RIN2: variants seen among roughly 807,000 people sequenced by gnomAD.
RIN2 encodes the protein Ras and Rab interactor 2.
Under a neutral mutation model 78.0 loss-of-function variants are expected in RIN2, and 36 were observed. The ratio of observed to expected loss-of-function variants is 0.46; its 90% confidence interval spans 0.35 to 0.61. The LOEUF (loss-of-function observed/expected upper bound fraction) is 0.61. Among genes scored for constraint, RIN2 ranks in the 20% least tolerant of loss-of-function variants. The pLI, the probability that RIN2 is intolerant of heterozygous loss-of-function variation, is 0.00. For missense variants in RIN2, 1,087 were observed against 1,159.7 expected (o/e 0.94, Z 0.91); for synonymous variants, 466 against 466.8 (o/e 1.00, Z 0.02).
At chr20:19,919,903 C>G (rs561660238) in intron 3 of RIN2, among the ~76,000 whole-genome samples, 1 of 152,340 alleles carries the variant, frequency 6.6e-6, no homozygotes, top group East Asian at 1.9e-4. Flanking sequence ...ATAAACACAT[C>G]TTAAAAATAT....
At chr20:19,977,419 T>G (rs559870485) in intron 9 of RIN2, among the ~76,000 whole-genome samples, 68 of 152,098 alleles carry the variant, frequency 4.5e-4, no homozygotes, top group African/African-American at 1.2e-3. Flanking sequence ...CATGCTAAAA[T>G]TATGTATTTC....
intron 3 of RIN2, among the ~76,000 whole-genome samples, chr20:19,933,517 T>C (rs887216776): frequency 2.7e-5 from 4 of 150,578 alleles, no homozygotes; most frequent in African/African-American, 9.7e-5. Context: ...TGCTTGGTTC[T>C]GGTGTCTTTC....
chr20:19,812,061 C>CTTTT (rs10678963), intron 2 of RIN2, among the ~76,000 whole-genome samples: 28,975 of 150,862 alleles, frequency 0.19, 3,023 homozygotes, highest in African/African-American at 0.3. Flanking sequence ...ATAGCTTGTT[C>CTTTT]TTTTTTTTTA....
chr20:19,794,574 T>C (rs8115759), intron 1 of RIN2, among the ~76,000 whole-genome samples: 16,093 of 148,426 alleles, frequency 0.11, 996 homozygotes, highest in South Asian at 0.18. Flanking sequence ...TGATACTAGG[T>C]AATGATGAAT....
chr20:19,888,649 C>T (rs538380634), intron 2 of RIN2, among the ~76,000 whole-genome samples: 176 of 152,246 alleles, frequency 1.2e-3, no homozygotes, highest in African/African-American at 3.9e-3. Flanking sequence ...CATGTTATGG[C>T]GAGAAGGGAT....
intron 1 of RIN2, among the ~76,000 whole-genome samples, chr20:19,760,222 C>T (rs1040945375): frequency 6.6e-6 from 1 of 152,130 alleles, no homozygotes; most frequent in Non-Finnish European, 1.5e-5. Context: ...AGTGAAGGGC[C>T]CTTGCTTTTG....
chr20:19,852,965 T>A (rs1293271885), intron 2 of RIN2, among the ~76,000 whole-genome samples: 1 of 151,794 alleles, frequency 6.6e-6, no homozygotes, highest in Admixed American at 6.6e-5. Flanking sequence ...ACATGTGCCA[T>A]GTTGGTGTGC....
intron 4 of RIN2, among the ~76,000 whole-genome samples, chr20:19,945,659 ACTTTT>A (rs1340796009): frequency 2.0e-5 from 3 of 151,918 alleles, no homozygotes; most frequent in Non-Finnish European, 1.5e-5. Context: ...CTCATCACTG[ACTTTT>A]CTTTTTATCT....
At chr20:19,784,380 T>G (rs1161101063) in intron 1 of RIN2, among the ~76,000 whole-genome samples, 3 of 152,108 alleles carry the variant, frequency 2.0e-5, no homozygotes, top group Non-Finnish European at 4.4e-5. Context: ...GTTCCTTGTT[T>G]AAAAAGCTAT....
chr20:19,950,417 TCTC>T (rs1477743298), intron 4 of RIN2, among the ~76,000 whole-genome samples: 1 of 152,190 alleles, frequency 6.6e-6, no homozygotes, highest in African/African-American at 2.4e-5. Context: ...TATTATTACT[TCTC>T]CTCCAACCTA....
chr20:19,868,464 G>T (rs943958612), intron 2 of RIN2, among the ~76,000 whole-genome samples: 1 of 152,210 alleles, frequency 6.6e-6, no homozygotes, highest in African/African-American at 2.4e-5. Flanking sequence ...ACTGTTTGAA[G>T]TACTCTTACA....
chr20:19,987,277 T>C (rs1328415056), intron 9 of RIN2, among the ~76,000 whole-genome samples: 1 of 152,238 alleles, frequency 6.6e-6, no homozygotes, highest in Non-Finnish European at 1.5e-5. Flanking sequence ...GACATTCATT[T>C]ACGTTTCTAA....
chr20:19,832,232 TC>T, intron 2 of RIN2, among the ~76,000 whole-genome samples: 1 of 150,480 alleles, frequency 6.6e-6, no homozygotes, highest in East Asian at 2.0e-4. Flanking sequence ...GCAGGCGGCC[TC>T]TGATAGTCAT....
intron 1 of RIN2, among the ~76,000 whole-genome samples, chr20:19,775,043 A>T (rs1354853806): frequency 6.6e-6 from 1 of 152,246 alleles, no homozygotes; most frequent in Non-Finnish European, 1.5e-5. Flanking sequence ...AAAAGAAGCC[A>T]GAGCAATACA....
chr20:19,824,152 G>C (rs1246410687), intron 2 of RIN2, among the ~76,000 whole-genome samples: 1 of 152,168 alleles, frequency 6.6e-6, no homozygotes, highest in Non-Finnish European at 1.5e-5. Flanking sequence ...GCTTCATCTA[G>C]GCTCCCTCCC....
At chr20:19,858,370 A>G (rs2037230008) in intron 2 of RIN2, among the ~76,000 whole-genome samples, 1 of 152,186 alleles carries the variant, frequency 6.6e-6, no homozygotes, top group Non-Finnish European at 1.5e-5. Flanking sequence ...AAGAGGCCCA[A>G]CACTGTCTGA....
At chr20:19,922,862 A>G (rs1322128225) in intron 3 of RIN2, among the ~76,000 whole-genome samples, 1 of 151,258 alleles carries the variant, frequency 6.6e-6, no homozygotes, top group Non-Finnish European at 1.5e-5. Context: ...CATACCTTTC[A>G]CTCGCCTGTC....
intron 2 of RIN2, among the ~76,000 whole-genome samples, chr20:19,875,829 C>T (rs556281728): frequency 1.3e-5 from 2 of 152,244 alleles, no homozygotes; most frequent in African/African-American, 4.8e-5. Context: ...GATGCACAGA[C>T]ATTTAAAGAG....
rs970804088 is a variant in RIN2 at position 20,002,100 on chromosome 20, A to G, written c.*1164A>G. ...TTTGTTGAGTTAAATAAGATGCTAT[A>G]TAATGGAGAAGAATTTGAAAATGCA... On this transcript the variant is annotated 3_prime_UTR_variant, in exon 13 of 13. Transcript: ENST00000255006. The G allele has an allele frequency of 2.6e-5, 4 of 152,300 alleles. No individual in the cohort carries two copies. Among genetic ancestry groups the G allele is most frequent in the African/African-American group, 9.6e-5 (4 of 41,460 alleles). The allele number at this position is 152,300 out of a possible 1,614,324, so 9.4% of individuals were successfully genotyped here.
Sources: allele counts gnomAD v4.1 joint callset (sites outside exome capture counted in the v4.1 genomes callset), GRCh38; gene constraint gnomAD v4.1.1; transcripts MANE v1.5; gene names NCBI Gene and HGNC (gene_info 2026-07-23, HGNC 2026-07-21).